AKAP12: variants seen among roughly 807,000 people sequenced by gnomAD.
AKAP12 encodes A-kinase anchor protein 12.
In AKAP12, 32 loss-of-function variants were observed where a neutral mutation model predicts 79.9. That is an observed-to-expected ratio of 0.40 (90% CI 0.30 to 0.54). The LOEUF (loss-of-function observed/expected upper bound fraction) is 0.54. AKAP12 is among the 20% of genes least tolerant of loss of function. The pLI, the probability that AKAP12 is intolerant of heterozygous loss-of-function variation, is 0.48. For synonymous variants in AKAP12, 808 were observed against 857.0 expected (o/e 0.94, Z 1.00); for missense variants, 2,074 against 2,177.0 (o/e 0.95, Z 0.94).
intron 2 of AKAP12, among the ~76,000 whole-genome samples, chr6:151,303,085 C>T (rs747595176): frequency 1.3e-5 from 2 of 151,946 alleles, no homozygotes; most frequent in African/African-American, 2.4e-5. Context: ...CCCAGCTACT[C>T]GGGAGGCTGA....
At chr6:151,245,649 T>G (rs1582828991) in intron 2 of AKAP12, among the ~76,000 whole-genome samples, 2 of 109,456 alleles carry the variant, frequency 1.8e-5, no homozygotes, top group African/African-American at 7.1e-5. Flanking sequence ...AGAGAGAGAC[T>G]CCGTCTCAAA....
intron 3 of AKAP12, among the ~76,000 whole-genome samples, chr6:151,345,919 G>C (rs1396804514): frequency 7.1e-6 from 1 of 140,588 alleles, no homozygotes; most frequent in South Asian, 2.4e-4. Flanking sequence ...GTGTGTGTGT[G>C]TGTGTGTGTG....
At position 151,305,904 on chromosome 6, in the gene AKAP12, G is replaced by A; in HGVS notation, c.319+1G>A. ...GAAGAAGAAGTCATTGTCACAGAGGGTAAGCCGCCCCTCCAGGAACTGGAA... is the reference window on the plus strand; with the variant it reads ...GAAGAAGAAGTCATTGTCACAGAGGATAAGCCGCCCCTCCAGGAACTGGAA... On this transcript the variant is annotated splice_donor_variant, in intron 3 of 4. Transcript: ENST00000402676. LOFTEE classifies it high-confidence loss of function. The A allele has an allele frequency of 6.2e-7, 1 of 1,602,848 alleles. No individual in the cohort carries two copies. Among genetic ancestry groups the A allele is most frequent in the Non-Finnish European group, 8.5e-7 (1 of 1,174,474 alleles).
chr6:151,256,948 C>CTATATA (rs57384016), intron 2 of AKAP12, among the ~76,000 whole-genome samples: 46 of 145,808 alleles, frequency 3.2e-4, no homozygotes, highest in Admixed American at 5.4e-4. Context: ...CGCGCCCGGC[C>CTATATA]TATATATATA....
intron 2 of AKAP12, among the ~76,000 whole-genome samples, chr6:151,305,336 C>T (rs1004549377): frequency 2.0e-5 from 3 of 152,158 alleles, no homozygotes; most frequent in African/African-American, 4.8e-5. Context: ...GCTTAACCTG[C>T]ATCTAATCAC....
chr6:151,252,732 G>GA (rs1185564468), intron 2 of AKAP12, among the ~76,000 whole-genome samples: 1,964 of 95,566 alleles, frequency 0.021, 40 homozygotes, highest in African/African-American at 0.056. Flanking sequence ...CTGTCTCTGG[G>GA]AAAAAAAAAA....
intron 3 of AKAP12, chr6:151,343,976 G>C: frequency 2.2e-6 from 1 of 446,434 alleles, no homozygotes; most frequent in South Asian, 1.7e-5. Flanking sequence ...CTAAAATGTA[G>C]AAGTAGTTTA....
chr6:151,338,492 G>C lies in AKAP12; in HGVS notation c.320-10219G>C, dbSNP rs143772701. 6.2e-4 allele frequency among the ~76,000 whole-genome samples: 91 copies of C among 146,754 alleles called. 1 individual carries two copies. Among genetic ancestry groups the C allele is most frequent in the African/African-American group, 2.3e-3 (88 of 39,014 alleles). ...TTTCCCCGAGATGGAGTCTTGCTCT[G>C]TTGCCCAGGATGGAGTGTAGTGGCG... is the stretch of plus-strand genomic sequence containing the variant. On this transcript the variant is annotated intron_variant, in intron 3 of 4. Transcript: ENST00000402676.
At position 151,345,624 on chromosome 6, in the gene AKAP12, C is replaced by G. The variant is rs535601376; in HGVS notation, c.320-3087C>G. ...CCAGCCTGGCCAACATGGTGAAACC[C>G]CATCTCTACTAAAAATACAAACATC... On this transcript the variant is annotated intron_variant, in intron 3 of 4. Transcript: ENST00000402676. Among the ~76,000 whole-genome samples, 25 of 150,578 alleles carry G rather than the reference C, an allele frequency of 1.7e-4. No homozygotes were observed. The East Asian group carries it at 2.0e-3, about 12-fold the overall frequency.
At chr6:151,334,348 C>G (rs1203503688) in intron 3 of AKAP12, among the ~76,000 whole-genome samples, 2 of 152,112 alleles carry the variant, frequency 1.3e-5, no homozygotes, top group Middle Eastern at 3.2e-3. Context: ...AATCCCAACA[C>G]TTTCAGAGGC....
intron 3 of AKAP12, among the ~76,000 whole-genome samples, chr6:151,319,479 ATCTATC>A (rs1554329207): frequency 5.5e-4 from 79 of 142,662 alleles, no homozygotes; most frequent in African/African-American, 2.0e-3. Context: ...CTATCTATCT[ATCTATC>A]TACTATCTAT....
intron 3 of AKAP12, among the ~76,000 whole-genome samples, chr6:151,337,993 C>T (rs949013230): frequency 2.3e-4 from 35 of 152,292 alleles, no homozygotes; most frequent in African/African-American, 5.1e-4. Context: ...GCCAAGATGA[C>T]GCCATGGTAC....
intron 2 of AKAP12, among the ~76,000 whole-genome samples, chr6:151,258,575 TAAA>T (rs1198475008): frequency 1.3e-5 from 2 of 152,214 alleles, no homozygotes; most frequent in Admixed American, 6.5e-5. Flanking sequence ...TTTGGCCACA[TAAA>T]GAGGAAGAGC....
At chr6:151,247,964 C>T (rs1235768044) in intron 2 of AKAP12, among the ~76,000 whole-genome samples, 1 of 152,038 alleles carries the variant, frequency 6.6e-6, no homozygotes, top group East Asian at 1.9e-4. Flanking sequence ...TGGGGGAAAC[C>T]CTGTAGTTTC....
intron 2 of AKAP12, among the ~76,000 whole-genome samples, chr6:151,244,527 G>GAAAC (rs10646561): frequency 0.37 from 55,909 of 151,134 alleles, 10,664 homozygotes; most frequent in Admixed American, 0.42. Context: ...CTGTCTCAAA[G>GAAAC]AAACAAACAA....
Position 151,240,561 on chromosome 6 carries a change from C to T in AKAP12, c.-2C>T. The T allele has an allele frequency of 1.4e-6, 2 of 1,442,902 alleles. No homozygotes were observed. The highest frequency in any genetic ancestry group is 1.8e-6 in the Non-Finnish European group (2 of 1,104,250). 89.4% of individuals were successfully genotyped at this position (1,442,902 alleles called of 1,614,324 possible). On this transcript the variant is annotated 5_prime_UTR_variant, in exon 2 of 5. Transcript: ENST00000402676. The stretch of plus-strand genomic sequence containing the variant: ...TAGGCGCGGGAGAAGTGCGGAGGAG[C>T]CATGGGCGCCGGGAGCTCCACCGAG...
At chr6:151,290,583 G>C (rs566007478) in intron 2 of AKAP12, among the ~76,000 whole-genome samples, 10 of 151,856 alleles carry the variant, frequency 6.6e-5, no homozygotes, top group Middle Eastern at 3.4e-3. Flanking sequence ...CCCCCTCACT[G>C]ATGGTTCCCA....
At chr6:151,246,413 G>A (rs937002398) in intron 2 of AKAP12, among the ~76,000 whole-genome samples, 16 of 152,182 alleles carry the variant, frequency 1.1e-4, no homozygotes, top group South Asian at 2.1e-4. Context: ...GCAAGACTCC[G>A]TCTCAAAAAC....
rs11292037 is a variant in AKAP12 at position 151,333,739 on chromosome 6, CAA to C, written c.320-14956_320-14955del. Among the ~76,000 whole-genome samples, 113 of 125,076 alleles carry C rather than the reference CAA, an allele frequency of 9.0e-4. 1 individual carries two copies. Among genetic ancestry groups the C allele is most frequent in the South Asian group, 2.5e-3 (10 of 3,972 alleles). The allele number at this position is 125,076 out of a possible 152,430, so 82.1% of individuals were successfully genotyped here. ...GGGCAACAGAGCAAGACTGTGACTTCAAAAAAAAAAAAAAAAATGAAAGGTTT... is the reference window on the plus strand; with the variant it reads ...GGGCAACAGAGCAAGACTGTGACTTCAAAAAAAAAAAAAAATGAAAGGTTT... On this transcript the variant is annotated intron_variant, in intron 3 of 4. Transcript: ENST00000402676.
Sources: gnomAD v4.1 joint callset for allele counts (sites outside exome capture counted in the v4.1 genomes callset) on GRCh38, gnomAD v4.1.1 for gene constraint, MANE v1.5 for transcripts, NCBI Gene and HGNC (gene_info 2026-07-23, HGNC 2026-07-21) for gene names.